The following TRHDE variants were observed in gnomAD, a reference collection of about 807,000 sequenced individuals.
TRHDE encodes thyrotropin releasing hormone degrading enzyme, also known as thyrotropin-releasing hormone-degrading ectoenzyme.
Under a neutral mutation model 125.7 loss-of-function variants are expected in TRHDE, and 72 were observed. The observed-to-expected ratio is 0.57, with a 90% CI of 0.47 to 0.70. The LOEUF is 0.70. Among genes scored for constraint, TRHDE ranks in the 30% least tolerant of loss-of-function variants. The pLI is 0.00. For synonymous variants in TRHDE, 509 were observed against 509.1 expected, an observed-to-expected ratio of 1.00 and a Z score of 0.00; for missense variants, 1,110 against 1,327.1, an observed-to-expected ratio of 0.84 and a Z score of 2.54.
intron 2 of TRHDE, among the ~76,000 whole-genome samples, chr12:72,319,526 AG>A (rs1474678117): frequency 6.6e-6 from 1 of 152,130 alleles, no homozygotes; most frequent in East Asian, 1.9e-4. Flanking sequence ...AACGCCTCAA[AG>A]GTGTGCTTTT....
intron 1 of TRHDE, among the ~76,000 whole-genome samples, chr12:72,105,174 G>C (rs1178668016): frequency 6.6e-6 from 1 of 152,180 alleles, no homozygotes; most frequent in African/African-American, 2.4e-5. Flanking sequence ...AGTATCAGCA[G>C]CAGTACAAGG....
At chr12:72,499,422 C>G in intron 5 of TRHDE, 76 bp from the exon 6 acceptor site, 1 of 1,516,024 alleles carries the variant, frequency 6.6e-7, no homozygotes. Flanking sequence ...AAGTGACACA[C>G]ATTATGTTCA....
At chr12:72,224,091 CATCTATCTATCT>C (rs755241021) in intron 2 of TRHDE, among the ~76,000 whole-genome samples, 2 of 50,252 alleles carry the variant, frequency 4.0e-5, no homozygotes, top group African/African-American at 9.7e-5. Context: ...TCTATCTATC[CATCTATCTATCT>C]ATCTATCTAT....
intron 2 of TRHDE, among the ~76,000 whole-genome samples, chr12:72,363,777 G>T (rs927246349): frequency 5.3e-5 from 8 of 151,998 alleles, no homozygotes; most frequent in South Asian, 4.1e-4. Flanking sequence ...CCAGGGCAAT[G>T]AGGCAGGAGA....
At chr12:72,564,396 T>G (rs561327540) in intron 9 of TRHDE, among the ~76,000 whole-genome samples, 27 of 152,200 alleles carry the variant, frequency 1.8e-4, no homozygotes, top group African/African-American at 6.5e-4. Flanking sequence ...TGTGGCCAAG[T>G]TAGAGAGATT....
At chr12:72,328,342 T>C (rs373403142) in intron 2 of TRHDE, among the ~76,000 whole-genome samples, 6 of 152,192 alleles carry the variant, frequency 3.9e-5, no homozygotes, top group African/African-American at 1.4e-4. Context: ...TCTTGGTAGG[T>C]CACCTTACTA....
intron 12 of TRHDE, among the ~76,000 whole-genome samples, chr12:72,598,017 C>CA (rs1872051558): frequency 6.6e-6 from 1 of 150,820 alleles, no homozygotes; most frequent in East Asian, 2.0e-4. Context: ...TTTATTTTTC[C>CA]AAAAAATTGA....
intron 5 of TRHDE, among the ~76,000 whole-genome samples, chr12:72,480,401 C>T (rs1877114398): frequency 6.6e-6 from 1 of 152,040 alleles, no homozygotes; most frequent in Non-Finnish European, 1.5e-5. Context: ...ATTTGCATTT[C>T]TCTGATGGCC....
intron 2 of TRHDE, among the ~76,000 whole-genome samples, chr12:72,115,729 T>C (rs972601712): frequency 6.6e-5 from 10 of 152,314 alleles, no homozygotes; most frequent in Non-Finnish European, 1.3e-4. Context: ...GTGTCTTTTG[T>C]ATAAAAGACA....
At chr12:72,219,001 A>G (rs1442297149) in intron 2 of TRHDE, among the ~76,000 whole-genome samples, 22 of 151,350 alleles carry the variant, frequency 1.5e-4, no homozygotes. Flanking sequence ...TTTGCCAGAG[A>G]GCAAAGAAAT....
At chr12:72,495,574 A>G (rs1309461041) in intron 5 of TRHDE, among the ~76,000 whole-genome samples, 1 of 152,012 alleles carries the variant, frequency 6.6e-6, no homozygotes, top group Non-Finnish European at 1.5e-5. Context: ...TATAGCATCC[A>G]TCATATTATA....
At chr12:72,109,359 G>C (rs975253853) in intron 2 of TRHDE, among the ~76,000 whole-genome samples, 1 of 151,974 alleles carries the variant, frequency 6.6e-6, no homozygotes, top group African/African-American at 2.4e-5. Context: ...TTCTCCTGAG[G>C]TTTCTAAGGA....
At chr12:72,471,057 A>G (rs958334528) in intron 4 of TRHDE, among the ~76,000 whole-genome samples, 3 of 151,580 alleles carry the variant, frequency 2.0e-5, no homozygotes, top group Non-Finnish European at 2.9e-5. Context: ...TTATATTTTT[A>G]GTAGAGACGG....
In TRHDE at chr12:72,240,062, G is replaced by A. The variant is rs914660731; in HGVS notation, n.279+134310G>A. Among the ~76,000 whole-genome samples the A allele has an allele frequency of 9.9e-5, 15 of 152,166 alleles. No individual in the cohort carries two copies. The South Asian group carries it at 3.1e-3, about 32-fold the overall frequency. On this transcript the variant is annotated intron_variant and non_coding_transcript_variant, in intron 2 of 4. Coordinates refer to the TRHDE transcript ENST00000548156. The stretch of plus-strand genomic sequence containing the variant: ...AAAAGTTCTTGCAGTGCTCTGGAGT[G>A]TATTTAATTGTTAACTTTTAAATAA...
chr12:72,272,161 C>T (rs1197646568), upstream of TRHDE: 1 of 457,156 alleles, frequency 2.2e-6, no homozygotes, highest in East Asian at 7.0e-5. This position sits in a 1 kb window ranked among gnomAD's most constrained non-coding sequence, Gnocchi z 6.7. Context: ...CGAACGCCGC[C>T]GCTGGAGTGG....
At chr12:72,109,852 T>C (rs990538835) in intron 2 of TRHDE, among the ~76,000 whole-genome samples, 2 of 152,228 alleles carry the variant, frequency 1.3e-5, no homozygotes, top group East Asian at 1.9e-4. Context: ...TCCCTTTCTA[T>C]GAAAATTGGG....
chr12:72,156,329 C>T (rs552148330), intron 2 of TRHDE, among the ~76,000 whole-genome samples: 16 of 152,352 alleles, frequency 1.1e-4, no homozygotes, highest in African/African-American at 3.1e-4. Context: ...AATTCCCTGA[C>T]CCCTTGCGCT....
chr12:72,591,609 T>G (rs923140035), intron 12 of TRHDE, among the ~76,000 whole-genome samples: 2 of 150,502 alleles, frequency 1.3e-5, no homozygotes, highest in African/African-American at 2.4e-5. Context: ...TTTTGAATTA[T>G]TCATCAATTT....
chr12:72,452,960 T>C (rs113852692), intron 3 of TRHDE, among the ~76,000 whole-genome samples: 15 of 152,324 alleles, frequency 9.8e-5, no homozygotes, highest in African/African-American at 3.4e-4. Flanking sequence ...TTACCCCATC[T>C]TGAATATTTC....
Sources: gnomAD v4.1 joint callset for allele counts (sites outside exome capture counted in the v4.1 genomes callset) on GRCh38, gnomAD v4.1.1 for gene constraint, Gnocchi (gnomAD v3.1) non-coding constraint, MANE v1.5 for transcripts, NCBI Gene and HGNC (gene_info 2026-07-23, HGNC 2026-07-21) for gene names.